The following VPS45 variants were observed in gnomAD, a reference collection of about 807,000 sequenced individuals.
VPS45 encodes vacuolar protein sorting-associated protein 45.
Under a neutral mutation model 75.9 loss-of-function variants are expected in VPS45, and 35 were observed. The observed-to-expected ratio is 0.46, with a 90% CI of 0.35 to 0.61. The LOEUF (loss-of-function observed/expected upper bound fraction) is 0.61. VPS45 is among the 20% of genes least tolerant of loss of function. VPS45 has a pLI of 0.00. For synonymous variants in VPS45, 220 were observed against 238.2 expected (o/e 0.92, Z 0.70); for missense variants, 559 against 685.9 (o/e 0.81, Z 2.07).
At chr1:150,095,916 G>T (rs190790518) in intron 13 of VPS45, among the ~76,000 whole-genome samples, 106 of 152,218 alleles carry the variant, frequency 7.0e-4, no homozygotes, top group Non-Finnish European at 1.3e-3. Context: ...GATATTTGTG[G>T]TAAGAATGGA....
chr1:150,102,105 G>C (rs1438413436), intron 13 of VPS45, among the ~76,000 whole-genome samples: 1 of 151,628 alleles, frequency 6.6e-6, no homozygotes, highest in African/African-American at 2.4e-5. Context: ...AGGCATGGTG[G>C]CAGGTGCCTG....
intron 13 of VPS45, among the ~76,000 whole-genome samples, chr1:150,107,228 A>G (rs1553805995): frequency 6.6e-6 from 1 of 152,226 alleles, no homozygotes. Flanking sequence ...AGACCTGAAT[A>G]TACAGATGTC....
intron 14 of VPS45, among the ~76,000 whole-genome samples, chr1:150,116,309 A>G (rs1657928456): frequency 6.6e-6 from 1 of 152,346 alleles, no homozygotes; most frequent in African/African-American, 2.4e-5. Context: ...TAATATTATT[A>G]GAGCTATTTT....
intron 1 of VPS45, 132 bp downstream of exon 1, chr1:150,068,082 G>A (rs1411110418): frequency 2.1e-6 from 2 of 952,546 alleles, no homozygotes; most frequent in Non-Finnish European, 1.6e-6. Context: ...GAATTGAAAA[G>A]TTGTTTATAT....
chr1:150,087,392 T>G (rs1656072372), intron 10 of VPS45, among the ~76,000 whole-genome samples: 1 of 152,222 alleles, frequency 6.6e-6, no homozygotes, highest in Admixed American at 6.5e-5. Flanking sequence ...AGTGTTCTTT[T>G]CTAATAGTCA....
intron 10 of VPS45, among the ~76,000 whole-genome samples, chr1:150,091,377 G>T (rs10788868): frequency 0.11 from 16,278 of 152,116 alleles, 2,884 homozygotes; most frequent in African/African-American, 0.37. Flanking sequence ...GCTTCTCCTG[G>T]CCCCCTTTCC....
At chr1:150,130,114 C>G (rs1354773726) in intron 14 of VPS45, among the ~76,000 whole-genome samples, 1 of 151,610 alleles carries the variant, frequency 6.6e-6, no homozygotes, top group East Asian at 1.9e-4. Context: ...ATCCTGCAGC[C>G]TCGGTCTCCC....
At chr1:150,132,016 A>G (rs587636366) in intron 14 of VPS45, among the ~76,000 whole-genome samples, 2 of 152,352 alleles carry the variant, frequency 1.3e-5, no homozygotes, top group East Asian at 3.9e-4. Context: ...TCAGCAAGGT[A>G]GATGTTATCT....
rs1655431210 is a variant in VPS45 at position 150,077,078 on chromosome 1, T to C, written c.439-16T>C. On this transcript the variant is annotated splice_polypyrimidine_tract_variant and intron_variant, in intron 5 of 14. Coordinates refer to ENST00000644510, the MANE Select transcript of VPS45 (RefSeq NM_007259.5). Reference sequence around the variant, plus strand: ...AATTCAAATATTTTCTCTGAATATATGTTTTTAACAAAAAGGGTCGAAATT... The same window carrying C: ...AATTCAAATATTTTCTCTGAATATACGTTTTTAACAAAAAGGGTCGAAATT... The C allele has an allele frequency of 1.9e-6, 3 of 1,613,552 alleles. No homozygotes were observed. The highest frequency in any genetic ancestry group is 2.7e-5 in the African/African-American group (2 of 74,850).
At chr1:150,097,380 C>A (rs1553803233) in intron 13 of VPS45, among the ~76,000 whole-genome samples, 1 of 151,312 alleles carries the variant, frequency 6.6e-6, no homozygotes, top group Non-Finnish European at 1.5e-5. Flanking sequence ...GCTGGGATTG[C>A]AGGCATGAGC....
intron 7 of VPS45, among the ~76,000 whole-genome samples, chr1:150,078,369 C>CGAAA (rs1655513505): frequency 6.6e-6 from 1 of 152,210 alleles, no homozygotes; most frequent in Admixed American, 6.5e-5. Context: ...CACATGGTTT[C>CGAAA]CTGCCAGCAT....
intron 10 of VPS45, among the ~76,000 whole-genome samples, chr1:150,084,006 T>G (rs1655870130): frequency 6.6e-6 from 1 of 152,174 alleles, no homozygotes; most frequent in African/African-American, 2.4e-5. Context: ...ATACTGACTG[T>G]AACAGGTTTT....
intron 13 of VPS45, among the ~76,000 whole-genome samples, chr1:150,104,621 G>A (rs187698489): frequency 6.6e-6 from 1 of 152,238 alleles, no homozygotes; most frequent in East Asian, 1.9e-4. Flanking sequence ...ATGGAGTGCT[G>A]GATGGAGTGT....
intron 3 of VPS45, 62 bp downstream of exon 3, chr1:150,072,288 A>G (rs1559900146): frequency 1.7e-6 from 2 of 1,166,110 alleles, no homozygotes; most frequent in Non-Finnish European, 2.5e-6. Flanking sequence ...TGTTTCATTG[A>G]GCCCTTCATA....
At chr1:150,128,814 A>G (rs1302586340) in intron 14 of VPS45, among the ~76,000 whole-genome samples, 5 of 151,366 alleles carry the variant, frequency 3.3e-5, no homozygotes, top group African/African-American at 7.3e-5. Flanking sequence ...ATCTCGGCTC[A>G]CTGCAACCTC....
chr1:150,111,985 G>A (rs1006139866), intron 14 of VPS45, among the ~76,000 whole-genome samples: 2 of 151,992 alleles, frequency 1.3e-5, no homozygotes, highest in African/African-American at 4.8e-5. Flanking sequence ...AATATTTACT[G>A]GATAAGATTT....
chr1:150,140,480 A>G (rs1659339889), intron 14 of VPS45, among the ~76,000 whole-genome samples: 1 of 151,666 alleles, frequency 6.6e-6, no homozygotes, highest in Non-Finnish European at 1.5e-5. Context: ...GCATATAGTA[A>G]TATGTGTACA....
At chr1:150,085,170 A>G (rs1553800437) in intron 10 of VPS45, among the ~76,000 whole-genome samples, 1 of 152,142 alleles carries the variant, frequency 6.6e-6, no homozygotes, top group Non-Finnish European at 1.5e-5. Flanking sequence ...ATTTACCACA[A>G]AAAATGAGTT....
At chr1:150,104,313 C>T (rs1657200633) in intron 13 of VPS45, among the ~76,000 whole-genome samples, 1 of 152,166 alleles carries the variant, frequency 6.6e-6, no homozygotes, top group Non-Finnish European at 1.5e-5. Context: ...TGGCCTCTTG[C>T]TCCATCCATG....
Sources: gnomAD v4.1 joint callset for allele counts (sites outside exome capture counted in the v4.1 genomes callset) on GRCh38, gnomAD v4.1.1 for gene constraint, MANE v1.5 for transcripts, NCBI Gene and HGNC (gene_info 2026-07-23, HGNC 2026-07-21) for gene names.